ABCB7: variants seen among roughly 807,000 people sequenced by gnomAD.
ABCB7 encodes ATP binding cassette subfamily B member 7.
A neutral mutation model predicts 54.4 loss-of-function variants in ABCB7; 7 were observed. The observed-to-expected ratio is 0.13, with a 90% CI of 0.07 to 0.24. The LOEUF (loss-of-function observed/expected upper bound fraction) is 0.24. ABCB7 is among the 10% of genes least tolerant of loss of function. ABCB7 has a pLI of 1.00. For missense variants in ABCB7, 356 were observed against 570.4 expected, an observed-to-expected ratio of 0.62 and a Z score of 3.83; for synonymous variants, 218 against 207.1, an observed-to-expected ratio of 1.05 and a Z score of -0.45.
In ABCB7 at chrX:75,099,101, A is replaced by AT. The variant is rs535838653; in HGVS notation, c.334-41dup. Reference sequence around the variant, plus strand: ...AAAACAAAGCAGTGAATAACATGTCATTTCAAACATAACCATAATTCAATA... The same window carrying AT: ...AAAACAAAGCAGTGAATAACATGTCATTTTCAAACATAACCATAATTCAATA... On this transcript the variant is annotated intron_variant, in intron 3 of 15. Transcript: ENST00000373394. 2,388 of 1,168,350 alleles carry AT rather than the reference A, an allele frequency of 2.0e-3. 31 individuals are homozygous for AT. In the South Asian group the frequency reaches 0.041, roughly 20 times the overall value.
chrX:75,073,471 A>C (rs1215864303), intron 8 of ABCB7, among the ~76,000 whole-genome samples: 2 of 111,726 alleles, frequency 1.8e-5, no homozygotes, highest in Non-Finnish European at 3.8e-5. Flanking sequence ...GATCACTTAT[A>C]AATTAATTCA....
At chrX:75,150,693 A>G (rs2082124636) in intron 1 of ABCB7, among the ~76,000 whole-genome samples, 1 of 111,681 alleles carries the variant, frequency 9.0e-6, no homozygotes, top group Admixed American at 9.5e-5. Flanking sequence ...CGTATACAGA[A>G]TGGGCAATTT....
intron 13 of ABCB7, among the ~76,000 whole-genome samples, chrX:75,064,034 T>C (rs2081300228): frequency 9.0e-6 from 1 of 110,999 alleles, no homozygotes; most frequent in Non-Finnish European, 1.9e-5. Flanking sequence ...TAACTGGAAA[T>C]TACTCCTATT....
intron 3 of ABCB7, among the ~76,000 whole-genome samples, chrX:75,108,796 T>C (rs974532463): frequency 1.8e-5 from 2 of 111,295 alleles, no homozygotes; most frequent in African/African-American, 6.5e-5. Context: ...TTGACTGATA[T>C]CAGAAATACT....
At chrX:75,068,455 G>A (rs2081339156) in intron 12 of ABCB7, among the ~76,000 whole-genome samples, 1 of 111,838 alleles carries the variant, frequency 8.9e-6, no homozygotes. Flanking sequence ...TTTATTAAAT[G>A]TTTAACATGG....
chrX:75,086,171 C>A (rs1174161603), intron 4 of ABCB7, among the ~76,000 whole-genome samples: 1 of 111,347 alleles, frequency 9.0e-6, no homozygotes, highest in Non-Finnish European at 1.9e-5. Context: ...AACATTTTTT[C>A]TTTCTTAGAT....
chrX:75,109,209 G>A (rs1354812564), intron 3 of ABCB7, among the ~76,000 whole-genome samples: 3 of 112,093 alleles, frequency 2.7e-5, no homozygotes, highest in Non-Finnish European at 5.6e-5. Flanking sequence ...ATGGCCAAAT[G>A]TACTACAAGT....
intron 4 of ABCB7, among the ~76,000 whole-genome samples, chrX:75,093,101 A>G (rs772336765): frequency 1.8e-5 from 2 of 112,214 alleles, no homozygotes; most frequent in South Asian, 7.4e-4. Context: ...GGCCACACAA[A>G]AACCTGCACA....
chrX:75,119,600 A>G (rs2081856729), intron 1 of ABCB7, among the ~76,000 whole-genome samples: 1 of 112,163 alleles, frequency 8.9e-6, no homozygotes, highest in Non-Finnish European at 1.9e-5. Context: ...TCAATAATGC[A>G]CAAATGCAAT....
chrX:75,148,350 T>A, intron 1 of ABCB7, among the ~76,000 whole-genome samples: 1 of 110,477 alleles, frequency 9.1e-6, no homozygotes, highest in East Asian at 2.8e-4. Context: ...AATTAAATTT[T>A]TTTTGTTTGT....
At chrX:75,130,113 A>T (rs2147552201) in intron 1 of ABCB7, among the ~76,000 whole-genome samples, 1 of 111,942 alleles carries the variant, frequency 8.9e-6, no homozygotes, top group East Asian at 2.8e-4. Context: ...TAGGGAATTT[A>T]CTAATTGTCA....
intron 2 of ABCB7, 61 bp from the exon 3 acceptor site, chrX:75,113,033 T>C (rs2081776273): frequency 9.8e-7 from 1 of 1,022,424 alleles, no homozygotes; most frequent in South Asian, 1.9e-5. Context: ...TGTTTCACAA[T>C]TTGGCTTGAA....
chrX:75,129,645 T>A (rs1034988792), intron 1 of ABCB7, among the ~76,000 whole-genome samples: 2 of 107,932 alleles, frequency 1.9e-5, no homozygotes, highest in Non-Finnish European at 3.8e-5. Context: ...CCCACCATCA[T>A]CCACCCACAA....
chrX:75,100,122 T>C (rs2081627840), intron 3 of ABCB7, among the ~76,000 whole-genome samples: 1 of 111,046 alleles, frequency 9.0e-6, no homozygotes, highest in Non-Finnish European at 1.9e-5. Flanking sequence ...TTGAATCAAT[T>C]TTATCTCCTA....
chrX:75,123,186 T>A (rs1439619858), intron 1 of ABCB7, among the ~76,000 whole-genome samples: 1 of 111,434 alleles, frequency 9.0e-6, no homozygotes, highest in African/African-American at 3.3e-5. Context: ...AAGCCTCTTA[T>A]CCATTTTGAG....
chrX:75,154,008 AATCTT>A (rs1184412180), intron 1 of ABCB7, among the ~76,000 whole-genome samples: 1 of 109,872 alleles, frequency 9.1e-6, no homozygotes, highest in East Asian at 2.8e-4. Flanking sequence ...ATTATTTTGT[AATCTT>A]AATCACAAGT....
At chrX:75,104,047 G>GTTTTTTTTGTTTTTTTTTTTTTTTTTTT (rs2081664100) in intron 3 of ABCB7, among the ~76,000 whole-genome samples, 1 of 13,443 alleles carries the variant, frequency 7.4e-5, no homozygotes, top group Non-Finnish European at 1.7e-4. Context: ...TCTTGTTACA[G>GTTTTTTTTGTTTTTTTTTTTTTTTTTTT]TTTTTTTTTT....
chrX:75,076,968 A>T (rs921728434), intron 4 of ABCB7, among the ~76,000 whole-genome samples: 1 of 111,927 alleles, frequency 8.9e-6, no homozygotes, highest in African/African-American at 3.2e-5. Flanking sequence ...AATCCTACAA[A>T]GCTCATGACA....
At chrX:75,060,124 T>C (rs2081271256) in intron 15 of ABCB7, 99 bp downstream of exon 15, 4 of 707,179 alleles carry the variant, frequency 5.7e-6, no homozygotes, top group Non-Finnish European at 8.8e-6. Flanking sequence ...CAGGATTCAG[T>C]CTCAACCAAA....
Sources: allele counts gnomAD v4.1 joint callset (sites outside exome capture counted in the v4.1 genomes callset), GRCh38; gene constraint gnomAD v4.1.1; transcripts MANE v1.5; gene names NCBI Gene and HGNC (gene_info 2026-07-23, HGNC 2026-07-21).